Variants in PPFIA2 observed in about 807,000 individuals in gnomAD.
The protein encoded by PPFIA2 is liprin-alpha-2.
Under a neutral mutation model 175.5 loss-of-function variants are expected in PPFIA2, and 46 were observed. That is an observed-to-expected ratio of 0.26 (90% confidence interval 0.21 to 0.34). The LOEUF is 0.34. Ranked by LOEUF, PPFIA2 falls within the 10% of genes least tolerant of loss-of-function variation. The probability of loss-of-function intolerance (pLI) is 1.00; values close to 1 mark genes in which losing one functional copy is unlikely to be tolerated. For synonymous variants in PPFIA2, 568 were observed against 511.4 expected (o/e 1.11, Z -1.49); for missense variants, 1,179 against 1,506.1 (o/e 0.78, Z 3.60).
chr12:81,372,942 A>G (rs1274319700), intron 11 of PPFIA2, among the ~76,000 whole-genome samples: 1 of 151,346 alleles, frequency 6.6e-6, no homozygotes, highest in African/African-American at 2.4e-5. Flanking sequence ...TGTGCCCAAG[A>G]TATATATATA....
intron 4 of PPFIA2, among the ~76,000 whole-genome samples, chr12:81,499,817 A>T (rs2060406892): frequency 6.8e-6 from 1 of 147,952 alleles, no homozygotes; most frequent in Non-Finnish European, 1.5e-5. Context: ...AGTGCTTCCT[A>T]AAAAAAAAAG....
At chr12:81,745,491 C>T (rs2082921196) in intron 3 of PPFIA2, among the ~76,000 whole-genome samples, 3 of 152,024 alleles carry the variant, frequency 2.0e-5, no homozygotes, top group African/African-American at 7.2e-5. Flanking sequence ...AAGCAATGAC[C>T]TTTTTTTTCT....
chr12:81,656,327 G>A (rs1467737511), intron 4 of PPFIA2, among the ~76,000 whole-genome samples: 2 of 152,024 alleles, frequency 1.3e-5, no homozygotes, highest in Non-Finnish European at 2.9e-5. Flanking sequence ...TTAAAAGTTA[G>A]AATGATGATG....
At chr12:81,591,554 C>T (rs541858582) in intron 4 of PPFIA2, among the ~76,000 whole-genome samples, 1 of 152,114 alleles carries the variant, frequency 6.6e-6, no homozygotes, top group Non-Finnish European at 1.5e-5. Flanking sequence ...TTTCATGGGC[C>T]GGGCCCAGGG....
Position 81,490,587 on chromosome 12 carries a change from A to G in PPFIA2, c.304-32721T>C, listed in dbSNP as rs1050062666. 2.6e-5 allele frequency among the ~76,000 whole-genome samples: 4 copies of G among 151,970 alleles called. 1 individual carries two copies. In the South Asian group the frequency reaches 8.3e-4, roughly 31 times the overall value. On this transcript the variant is annotated intron_variant, in intron 4 of 32. Coordinates refer to ENST00000549396, the MANE Select transcript of PPFIA2 (RefSeq NM_003625.5). ...CTATGGCGTTCTGGATGCCAGATTC[A>G]CATTCATTAGACATAAATTGATGTT...
intron 3 of PPFIA2, among the ~76,000 whole-genome samples, chr12:81,748,827 T>C (rs924593266): frequency 1.5e-4 from 21 of 144,678 alleles, no homozygotes; most frequent in African/African-American, 4.9e-4. Context: ...CTTCATGATC[T>C]GGTCATCAGT....
intron 4 of PPFIA2, among the ~76,000 whole-genome samples, chr12:81,605,500 A>G (rs1324308600): frequency 1.3e-5 from 2 of 151,866 alleles, no homozygotes; most frequent in African/African-American, 4.8e-5. Flanking sequence ...GCATTTTCCA[A>G]GCAAACATTC....
chr12:81,494,233 A>C (rs1213543258), intron 4 of PPFIA2, among the ~76,000 whole-genome samples: 2 of 152,042 alleles, frequency 1.3e-5, no homozygotes, highest in Non-Finnish European at 2.9e-5. Context: ...CAATGAACTC[A>C]AACAAATTTA....
At chr12:81,527,229 C>T (rs1204663452) in intron 4 of PPFIA2, among the ~76,000 whole-genome samples, 1 of 152,072 alleles carries the variant, frequency 6.6e-6, no homozygotes, top group Non-Finnish European at 1.5e-5. Context: ...TCTGATGCAT[C>T]ATTACTTTTC....
At chr12:81,689,252 A>C (rs758333908) in intron 3 of PPFIA2, among the ~76,000 whole-genome samples, 4 of 152,056 alleles carry the variant, frequency 2.6e-5, no homozygotes, top group Admixed American at 6.6e-5. Context: ...TTTGGGAAAG[A>C]AATTCACCAA....
chr12:81,739,376 T>C (rs1335862020), intron 3 of PPFIA2, among the ~76,000 whole-genome samples: 2 of 152,080 alleles, frequency 1.3e-5, no homozygotes, highest in Admixed American at 1.3e-4. Context: ...TGTATTCTGA[T>C]AGCATGATGG....
intron 23 of PPFIA2, 34 bp downstream of exon 23, chr12:81,299,267 T>C (rs748075313): frequency 1.9e-6 from 3 of 1,559,688 alleles, no homozygotes; most frequent in Non-Finnish European, 2.6e-6. Context: ...TTAGTAGTGA[T>C]TGATTCAAGG....
At chr12:81,599,670 T>C (rs752362556) in intron 4 of PPFIA2, among the ~76,000 whole-genome samples, 2 of 152,010 alleles carry the variant, frequency 1.3e-5, no homozygotes, top group Non-Finnish European at 1.5e-5. Flanking sequence ...CTCAATACTT[T>C]ACTTGGATTT....
At chr12:81,397,416 T>C (rs2041337259) in intron 8 of PPFIA2, among the ~76,000 whole-genome samples, 1 of 152,036 alleles carries the variant, frequency 6.6e-6, no homozygotes, top group African/African-American at 2.4e-5. Flanking sequence ...AACAATGTAG[T>C]TTCCTGTAAT....
chr12:81,387,141 C>T (rs1034920765), intron 8 of PPFIA2, among the ~76,000 whole-genome samples: 18 of 151,978 alleles, frequency 1.2e-4, no homozygotes, highest in Admixed American at 2.6e-4. Context: ...AACACTTCTA[C>T]AAGCAAACTT....
At chr12:81,268,436 C>T (rs546106968) in intron 28 of PPFIA2, among the ~76,000 whole-genome samples, 1 of 152,254 alleles carries the variant, frequency 6.6e-6, no homozygotes, top group South Asian at 2.1e-4. Context: ...CCGCGCCCGG[C>T]GCATTATTTT....
chr12:81,405,438 T>C (rs751074013), intron 8 of PPFIA2, among the ~76,000 whole-genome samples: 3 of 151,924 alleles, frequency 2.0e-5, no homozygotes, highest in African/African-American at 7.2e-5. Flanking sequence ...TATATATACA[T>C]ATGCCATATA....
chr12:81,273,769 T>C lies in PPFIA2; in HGVS notation c.3310+3548A>G, dbSNP rs569868562. 6.6e-5 allele frequency among the ~76,000 whole-genome samples: 10 copies of C among 152,210 alleles called. No individual in the cohort carries two copies. The South Asian group carries it at 8.3e-4, about 13-fold the overall frequency. On this transcript the variant is annotated intron_variant, in intron 28 of 32. Transcript: ENST00000549396. ...TAGATAATAAGGAATATGAGAGGAA[T>C]GCCCACATCCCACAGTCTTATTATT...
intron 4 of PPFIA2, chr12:81,472,554 A>G (rs1296750172): frequency 1.3e-5 from 2 of 152,192 alleles, no homozygotes; most frequent in African/African-American, 4.8e-5. Context: ...AAAACACTAA[A>G]TTTCTGGACT....
Sources: gnomAD v4.1 joint callset for allele counts (sites outside exome capture counted in the v4.1 genomes callset) on GRCh38, gnomAD v4.1.1 for gene constraint, MANE v1.5 for transcripts, NCBI Gene and HGNC (gene_info 2026-07-23, HGNC 2026-07-21) for gene names.